KCNA3: variants seen among roughly 807,000 people sequenced by gnomAD.
KCNA3 encodes the protein potassium voltage-gated channel subfamily A member 3, also known as RP11-284N8.3.
In KCNA3, 18 loss-of-function variants were observed where a neutral mutation model predicts 34.3. The observed-to-expected ratio is 0.52, with a 90% CI of 0.36 to 0.78. The LOEUF (loss-of-function observed/expected upper bound fraction) is 0.78, where lower values mean the gene tolerates loss of function less well. KCNA3 is among the 30% of genes least tolerant of loss of function. KCNA3 has a pLI of 0.00. For synonymous variants in KCNA3, 324 were observed against 351.7 expected (o/e 0.92, Z 0.88); for missense variants, 587 against 802.5 (o/e 0.73, Z 3.24).
the KCNA3 span, among the ~76,000 whole-genome samples, chr1:110,663,331 C>T: frequency 3.9e-5 from 6 of 152,000 alleles, no homozygotes; most frequent in Admixed American, 1.3e-4. Flanking sequence ...GATCTTTATC[C>T]CATGTGAGCT....
chr1:110,673,078 C>A lies in KCNA3; in HGVS notation c.*4G>T. On this transcript the variant is annotated 3_prime_UTR_variant, in exon 1 of 1. Transcript: ENST00000369769. The surrounding 1 kb of genome is among the most constrained non-coding windows in gnomAD (Gnocchi z 8.8). ...TGAGCACAGCATGTCACTTGTATCA[C>A]ATATTAAACATCGGTGAATATCTTT... 1 of 1,602,216 alleles carries A rather than the reference C, an allele frequency of 6.2e-7. No homozygotes were observed. The highest frequency in any genetic ancestry group is 8.5e-7 in the Non-Finnish European group (1 of 1,173,960).
chr1:110,673,374 A>T lies in KCNA3; in HGVS notation c.1436T>A (p.Ile479Asn). The T allele has an allele frequency of 6.2e-7, 1 of 1,614,100 alleles. No individual in the cohort carries two copies. Among genetic ancestry groups the T allele is most frequent in the Non-Finnish European group, 8.5e-7 (1 of 1,180,006 alleles). Residue 479 changes from isoleucine to asparagine, a missense_variant, in exon 1 of 1, where the codon ATT (isoleucine) becomes AAT (asparagine). Ile to Asn is a moderately radical substitution (Grantham distance 149). This residue lies in a region of KCNA3 where 7 missense variants were observed against 16.3 expected (regional missense o/e 0.43). Coordinates refer to ENST00000369769, the MANE Select transcript of KCNA3 (RefSeq NM_002232.5). This position sits in a 1 kb window ranked among gnomAD's most constrained non-coding sequence, Gnocchi z 8.8. ...GTAGAAGTAATTGAAGTTGGAAACA[A>T]TCACGGGAACTGGCAATGCGATGGT... ...VLTIALPVPV[I>N]VSNFNYFYHR...
At chr1:110,671,506 G>A (rs887164310), downstream of KCNA3, among the ~76,000 whole-genome samples, 5 of 152,144 alleles carry the variant, frequency 3.3e-5, no homozygotes, top group African/African-American at 1.2e-4. Context: ...GCAACCCTTG[G>A]CATATGGCTG....
At chr1:110,669,484 G>A (rs1316483355), downstream of KCNA3, among the ~76,000 whole-genome samples, 1 of 152,062 alleles carries the variant, frequency 6.6e-6, no homozygotes, top group African/African-American at 2.4e-5. Context: ...TAAAATACCT[G>A]CTTATTTTAA....
downstream of KCNA3, among the ~76,000 whole-genome samples, chr1:110,669,251 A>T (rs1453479154): frequency 6.6e-6 from 1 of 152,210 alleles, no homozygotes; most frequent in Non-Finnish European, 1.5e-5. Flanking sequence ...TAATTTGCAT[A>T]ATGCTATCAT....
At chr1:110,670,385 C>A (rs778383377), downstream of KCNA3, among the ~76,000 whole-genome samples, 1 of 152,056 alleles carries the variant, frequency 6.6e-6, no homozygotes, top group Non-Finnish European at 1.5e-5. Flanking sequence ...AGAACAAAGG[C>A]CCCCTTTAAA....
Position 110,674,181 on chromosome 1 carries a change from G to A in KCNA3, c.629C>T (p.Pro210Leu), listed in dbSNP as rs769925298. 2 of 1,612,042 alleles carry A rather than the reference G, an allele frequency of 1.2e-6. No homozygotes were observed. The highest frequency in any genetic ancestry group is 3.3e-5 in the Admixed American group (2 of 59,954). The change falls in exon 1 of 1, where the codon CCC (proline) becomes CTC (leucine). Residue 210 changes from proline to leucine, a missense_variant. Pro to Leu is a moderately conservative substitution (Grantham distance 98). Transcript: ENST00000369769. This position sits in a 1 kb window ranked among gnomAD's most constrained non-coding sequence, Gnocchi z 6.4. The stretch of plus-strand genomic sequence containing the variant: ...GCGCTGGAAGTCGCGGCGGGGCAAG[G>A]GCCGCTCCTCCTCCCGCAGGAAGCC... ...DEGFLREEER[P>L]LPRRDFQRQV...
At chr1:110,670,415 A>G (rs902665659), downstream of KCNA3, among the ~76,000 whole-genome samples, 1 of 152,224 alleles carries the variant, frequency 6.6e-6, no homozygotes, top group Non-Finnish European at 1.5e-5. Context: ...TTTAATAACC[A>G]TAAGAATTAT....
Position 110,674,406 on chromosome 1 carries a change from C to T in KCNA3, c.404G>A (p.Arg135Gln), listed in dbSNP as rs202066814. 6.2e-7 allele frequency: 1 copy of T among 1,614,070 alleles called. No individual in the cohort carries two copies. The highest frequency in any genetic ancestry group is 8.5e-7 in the Non-Finnish European group (1 of 1,179,988). The change falls in exon 1 of 1, where the codon CGG (arginine) becomes CAG (glutamine). Residue 135 changes from arginine (R) to glutamine (Q), a missense_variant. By Grantham distance (43) the Arg-to-Gln change is conservative (BLOSUM62 1). This residue lies in a region of KCNA3 where 341 missense variants were observed against 355.4 expected (regional missense o/e 0.96). Transcript: ENST00000369769. The surrounding 1 kb of genome is among the most constrained non-coding windows in gnomAD (Gnocchi z 6.4). Reference sequence around the variant, plus strand: ...GAGCGGGTCGAAGTACCTCATGCGCCGCTTGGGGTCGCCCAGCAGCGTCTC... The same window carrying T: ...GAGCGGGTCGAAGTACCTCATGCGCTGCTTGGGGTCGCCCAGCAGCGTCTC... ...FPETLLGDPK[R>Q]RMRYFDPLRN...
downstream of KCNA3, among the ~76,000 whole-genome samples, chr1:110,671,074 T>C (rs2100947927): frequency 6.6e-6 from 1 of 152,346 alleles, no homozygotes; most frequent in East Asian, 1.9e-4. Flanking sequence ...CAAAGAACTG[T>C]ACCACTGCAT....
chr1:110,673,840 A>C lies in KCNA3; in HGVS notation c.970T>G (p.Ser324Ala). 1 of 1,614,126 alleles carries C rather than the reference A, an allele frequency of 6.2e-7. No homozygotes were observed. Among genetic ancestry groups the C allele is most frequent in the Non-Finnish European group, 8.5e-7 (1 of 1,180,026 alleles). ...TCGATCAGGTTCATGATGTTTCGCGAGAAGGTGGCTTTGCTAGGACAAGCG... is the reference window on the plus strand; with the variant it reads ...TCGATCAGGTTCATGATGTTTCGCGCGAAGGTGGCTTTGCTAGGACAAGCG... ...FFACPSKATF[S>A]RNIMNLIDIV... The change falls in exon 1 of 1, where the codon TCG (serine) becomes GCG (alanine). Residue 324 changes from serine (S) to alanine (A), a missense_variant. Ser to Ala is a moderately conservative substitution (Grantham distance 99). Around this residue, in one of 7 missense-constraint regions of KCNA3, gnomAD observed 84 missense variants for 223.1 expected, o/e 0.38. Coordinates refer to ENST00000369769, the MANE Select transcript of KCNA3 (RefSeq NM_002232.5). This position sits in a 1 kb window ranked among gnomAD's most constrained non-coding sequence, Gnocchi z 8.8.
Position 110,674,730 on chromosome 1 carries a change from G to C in KCNA3, c.80C>G (p.Ala27Gly). The change falls in exon 1 of 1, where the codon GCG (alanine) becomes GGG (glycine). Residue 27 changes from alanine to glycine, a missense_variant. Physicochemically the swap from Ala to Gly is moderately conservative, Grantham distance 60 (BLOSUM62 0). This residue lies in a region of KCNA3 where 341 missense variants were observed against 355.4 expected (regional missense o/e 0.96). Coordinates refer to ENST00000369769, the MANE Select transcript of KCNA3 (RefSeq NM_002232.5). The surrounding 1 kb of genome is among the most constrained non-coding windows in gnomAD (Gnocchi z 6.4). ...CAGCGTGTGGGCACCGCCGCTGCTC[G>C]CTGGGCGCTGAGGAGGGTGGGCGCG... ...RHRAHPPQRP[A>G]SSGGAHTLVN... The C allele has an allele frequency of 1.4e-6, 2 of 1,439,324 alleles. No individual in the cohort carries two copies. Among genetic ancestry groups the C allele is most frequent in the Non-Finnish European group, 1.8e-6 (2 of 1,104,940 alleles). 89.2% of individuals were successfully genotyped at this position (1,439,324 alleles called of 1,614,324 possible).
downstream of KCNA3, among the ~76,000 whole-genome samples, chr1:110,668,407 A>AAAATAT (rs1651763849): frequency 6.6e-6 from 1 of 152,176 alleles, no homozygotes; most frequent in African/African-American, 2.4e-5. Flanking sequence ...TGGTACTCAA[A>AAAATAT]GGAACAGACT....
At chr1:110,655,625 A>G in the KCNA3 span, 1 of 152,198 alleles carries the variant, frequency 6.6e-6, no homozygotes, top group South Asian at 2.1e-4. Context: ...ATCAGATTAA[A>G]TGTTTTAACT....
At chr1:110,669,177 T>C (rs1557757288), downstream of KCNA3, among the ~76,000 whole-genome samples, 1 of 152,166 alleles carries the variant, frequency 6.6e-6, no homozygotes, top group Non-Finnish European at 1.5e-5. Context: ...AGAGTCAAAA[T>C]ATTTACATGA....
the KCNA3 span, among the ~76,000 whole-genome samples, chr1:110,657,956 C>G: frequency 7.2e-5 from 11 of 152,192 alleles, no homozygotes; most frequent in Non-Finnish European, 1.5e-4. Context: ...TAACATAGAA[C>G]AAAGACAAGG....
chr1:110,667,947 T>G (rs751245613), downstream of KCNA3, among the ~76,000 whole-genome samples: 4 of 152,158 alleles, frequency 2.6e-5, no homozygotes, highest in Non-Finnish European at 1.5e-5. Flanking sequence ...TGAGTCACAA[T>G]AGTAAGGTCT....
At chr1:110,665,867 G>A in the KCNA3 span, among the ~76,000 whole-genome samples, 1 of 152,086 alleles carries the variant, frequency 6.6e-6, no homozygotes, top group African/African-American at 2.4e-5. Flanking sequence ...ACTGAGAAAT[G>A]ACCACTGGGT....
At chr1:110,667,309 T>C in the KCNA3 span, among the ~76,000 whole-genome samples, 3 of 152,050 alleles carry the variant, frequency 2.0e-5, no homozygotes, top group African/African-American at 4.8e-5. Context: ...GGGGCCTCCA[T>C]AGAGATTCCC....
Sources: gnomAD v4.1 joint callset for allele counts (sites outside exome capture counted in the v4.1 genomes callset) on GRCh38, gnomAD v4.1.1 for gene constraint, gnomAD v4.1.1 regional missense constraint, Gnocchi (gnomAD v3.1) non-coding constraint, MANE v1.5 for transcripts, NCBI Gene and HGNC (gene_info 2026-07-23, HGNC 2026-07-21) for gene names.